PIK3R3: variants seen among roughly 807,000 people sequenced by gnomAD.
PIK3R3 encodes phosphatidylinositol 3-kinase regulatory subunit gamma.
In PIK3R3, 64 loss-of-function variants were observed where a neutral mutation model predicts 62.9. That is an observed-to-expected ratio of 1.02 (90% CI 0.83 to 1.25). PIK3R3 has a LOEUF of 1.25. PIK3R3 is among the 50% of genes most tolerant of loss of function. The pLI is 0.00. For missense variants in PIK3R3, 614 were observed against 561.6 expected (o/e 1.09, Z -0.94); for synonymous variants, 165 against 189.0 (o/e 0.87, Z 1.04).
At chr1:46,120,890 T>G (rs1654618619) in intron 1 of PIK3R3, among the ~76,000 whole-genome samples, 1 of 152,146 alleles carries the variant, frequency 6.6e-6, no homozygotes, top group South Asian at 2.1e-4. Context: ...GAAAGAAGTT[T>G]GCTAGAGGTT....
intron 7 of PIK3R3, chr1:46,048,177 T>C (rs986187001): frequency 6.6e-6 from 1 of 152,244 alleles, no homozygotes. Context: ...TGTTGCCAAT[T>C]ATTAAAACAG....
At chr1:46,094,646 CACA>C (rs1041486573) in intron 1 of PIK3R3, among the ~76,000 whole-genome samples, 4 of 152,210 alleles carry the variant, frequency 2.6e-5, no homozygotes, top group African/African-American at 4.8e-5. Context: ...CATTGAATTA[CACA>C]ACAACTTTGC....
At chr1:46,141,287 T>A in the PIK3R3 span, among the ~76,000 whole-genome samples, 1 of 152,138 alleles carries the variant, frequency 6.6e-6, no homozygotes, top group Non-Finnish European at 1.5e-5. Flanking sequence ...TTATTTATTT[T>A]TGAGACAGAG....
At chr1:46,095,520 G>T (rs930789803) in intron 1 of PIK3R3, among the ~76,000 whole-genome samples, 1 of 152,170 alleles carries the variant, frequency 6.6e-6, no homozygotes, top group Non-Finnish European at 1.5e-5. Flanking sequence ...GTGGTAGGGG[G>T]AGAGAGAGCA....
rs1646997469 is a variant in PIK3R3, at chr1:46,041,570, A to C, written c.*2103T>G. ...TTAAAAGACACTCAGAACACACTGAAATTTTAGTACCAGATGGGAGGGATT... is the reference window on the plus strand; with the variant it reads ...TTAAAAGACACTCAGAACACACTGACATTTTAGTACCAGATGGGAGGGATT... On this transcript the variant is annotated 3_prime_UTR_variant, in exon 10 of 10. Coordinates refer to ENST00000262741, the MANE Select transcript of PIK3R3 (RefSeq NM_003629.4). 5.6e-6 allele frequency: 1 copy of C among 179,170 alleles called. No individual in the cohort carries two copies. The allele number at this position is 179,170 out of a possible 1,614,324, so 11.1% of individuals were successfully genotyped here. A position where few individuals can be genotyped will look rare whatever the true frequency, so the allele number is the denominator to read the frequency against.
intron 1 of PIK3R3, among the ~76,000 whole-genome samples, chr1:46,119,730 AGTAG>A (rs1654494017): frequency 6.6e-6 from 1 of 151,668 alleles, no homozygotes; most frequent in Admixed American, 6.6e-5. Context: ...TGGCCTTGTA[AGTAG>A]CTGAGACTAC....
intron 1 of PIK3R3, chr1:46,131,615 C>CA: frequency 1.6e-5 from 5 of 310,014 alleles, no homozygotes; most frequent in South Asian, 5.6e-5. Flanking sequence ...TCTCTCCTCC[C>CA]ACCCCCACTT....
At chr1:46,104,822 C>G in intron 1 of PIK3R3, 1 of 384,958 alleles carries the variant, frequency 2.6e-6, no homozygotes, top group South Asian at 3.4e-5. Flanking sequence ...ATCCCAGCTA[C>G]TCAGGAAGCT....
At chr1:46,087,651 T>G (rs1350650670) in intron 1 of PIK3R3, among the ~76,000 whole-genome samples, 1 of 137,518 alleles carries the variant, frequency 7.3e-6, no homozygotes, top group Non-Finnish European at 1.5e-5. Flanking sequence ...CCAAGGGTGG[T>G]CTCGAATTCC....
chr1:46,111,754 G>A (rs1653765186), intron 1 of PIK3R3, among the ~76,000 whole-genome samples: 1 of 151,958 alleles, frequency 6.6e-6, no homozygotes, highest in African/African-American at 2.4e-5. Context: ...CATGTTTTGG[G>A]TCTCTGAGAA....
the PIK3R3 span, among the ~76,000 whole-genome samples, chr1:46,163,968 G>C: frequency 6.6e-6 from 1 of 152,152 alleles, no homozygotes; most frequent in African/African-American, 2.4e-5. Flanking sequence ...ACCACAAAGG[G>C]AGATGCACTA....
At chr1:46,095,463 C>T (rs1309582606) in intron 1 of PIK3R3, among the ~76,000 whole-genome samples, 1 of 152,110 alleles carries the variant, frequency 6.6e-6, no homozygotes, top group Admixed American at 6.5e-5. Context: ...GATGAGAACA[C>T]ATGGACAACA....
chr1:46,103,544 G>A (rs1652910226), intron 1 of PIK3R3, among the ~76,000 whole-genome samples: 1 of 151,928 alleles, frequency 6.6e-6, no homozygotes, highest in Admixed American at 6.6e-5. Flanking sequence ...ACTCTAGCCT[G>A]GGCAACAAGA....
In PIK3R3 at chr1:46,040,862, C is replaced by T. The variant is rs1012446205; in HGVS notation, c.*2811G>A. The T allele has an allele frequency of 3.3e-5, 6 of 180,334 alleles. No homozygotes were observed. The highest frequency in any genetic ancestry group is 1.8e-4 in the East Asian group (2 of 10,948). 11.2% of individuals were successfully genotyped at this position (180,334 alleles called of 1,614,324 possible). A position where few individuals can be genotyped will look rare whatever the true frequency, so the allele number is the denominator to read the frequency against. ...TTCTTGGCCAGATCAGTGGTAAGGACGCAGGCAGTCTATCCAGGCCCGAAT... is the reference window on the plus strand; with the variant it reads ...TTCTTGGCCAGATCAGTGGTAAGGATGCAGGCAGTCTATCCAGGCCCGAAT... On this transcript the variant is annotated 3_prime_UTR_variant, in exon 10 of 10. Coordinates refer to ENST00000262741, the MANE Select transcript of PIK3R3 (RefSeq NM_003629.4).
chr1:46,117,948 C>T (rs1311852771), intron 1 of PIK3R3, among the ~76,000 whole-genome samples: 1 of 151,680 alleles, frequency 6.6e-6, no homozygotes, highest in Non-Finnish European at 1.5e-5. Context: ...GTAGTGCACG[C>T]CTGTAGTTGG....
At chr1:46,131,120 C>T (rs1655546562) in intron 1 of PIK3R3, among the ~76,000 whole-genome samples, 1 of 152,072 alleles carries the variant, frequency 6.6e-6, no homozygotes, top group Non-Finnish European at 1.5e-5. Context: ...TTTGCTTTTT[C>T]TTTATTCTAG....
At chr1:46,061,816 C>G (rs1648515416) in intron 6 of PIK3R3, 113 bp downstream of exon 6, 2 of 941,072 alleles carry the variant, frequency 2.1e-6, no homozygotes, top group Non-Finnish European at 3.4e-6. Context: ...GCAAGTGGTT[C>G]CAATAGTAGG....
the PIK3R3 span, among the ~76,000 whole-genome samples, chr1:46,140,916 AG>A: frequency 6.6e-6 from 1 of 152,006 alleles, no homozygotes; most frequent in Non-Finnish European, 1.5e-5. Context: ...GCTGGAATGC[AG>A]TGGCATGTTC....
rs773472617 is a variant in PIK3R3 at position 46,131,704 on chromosome 1, G to GT, written c.106+142dup. The stretch of plus-strand genomic sequence containing the variant: ...ACTTTAAACGTGTAAACCAGAAGCA[G>GT]TTTTACCGCAGCTGTAACTGCAAAT... On this transcript the variant is annotated intron_variant, in intron 1 of 9. Coordinates refer to ENST00000262741, the MANE Select transcript of PIK3R3 (RefSeq NM_003629.4). The GT allele has an allele frequency of 1.6e-4, 96 of 611,618 alleles. 1 individual carries two copies. The highest frequency in any genetic ancestry group is 1.2e-3 in the Middle Eastern group (4 of 3,378). 37.9% of individuals were successfully genotyped at this position (611,618 alleles called of 1,614,324 possible).
Sources: allele counts gnomAD v4.1 joint callset (sites outside exome capture counted in the v4.1 genomes callset), GRCh38; gene constraint gnomAD v4.1.1; transcripts MANE v1.5; gene names NCBI Gene and HGNC (gene_info 2026-07-23, HGNC 2026-07-21).